MICAL3: variants seen among roughly 807,000 people sequenced by gnomAD.
MICAL3 encodes the protein microtubule associated monooxygenase, calponin and LIM domain containing 3.
MICAL3 carries 62 observed loss-of-function variants against 207.4 expected under a neutral mutation model. The observed-to-expected ratio is 0.30, with a 90% CI of 0.24 to 0.37. MICAL3 has a LOEUF of 0.37. MICAL3 is among the 10% of genes least tolerant of loss of function. The pLI, the probability that MICAL3 is intolerant of heterozygous loss-of-function variation, is 1.00. For missense variants in MICAL3, 2,368 were observed against 2,635.6 expected (o/e 0.90, Z 2.22); for synonymous variants, 1,077 against 1,069.3 (o/e 1.01, Z -0.14).
In MICAL3 at chr22:17,817,501, G is replaced by T. The variant is rs753923521; in HGVS notation, c.5160C>A (p.Pro1720=). 5 of 1,613,728 alleles carry T rather than the reference G, an allele frequency of 3.1e-6. No homozygotes were observed. The highest frequency in any genetic ancestry group is 4.2e-6 in the Non-Finnish European group (5 of 1,179,856). The change falls in exon 26 of 32, where the codon CCC becomes CCA. Residue 1720 remains proline, a synonymous_variant. Coordinates refer to ENST00000441493, the MANE Select transcript of MICAL3 (RefSeq NM_015241.3). The stretch of plus-strand genomic sequence containing the variant: ...GGAGGTTGGAGCTGGGCTTCTCCGG[G>T]GGCCGGCCCTCGCCTTTGGACTTCT... ...KEKKSKGEGR[P]PEKPSSNLLE... is the part of the protein sequence containing the mutation.
intron 1 of MICAL3, among the ~76,000 whole-genome samples, chr22:17,915,882 G>A (rs1947971507): frequency 6.6e-6 from 1 of 151,620 alleles, no homozygotes; most frequent in South Asian, 2.1e-4. Context: ...GCTTCAGAAG[G>A]AGTTCAAAAC....
intron 1 of MICAL3, among the ~76,000 whole-genome samples, chr22:17,909,148 T>C (rs556475692): frequency 3.9e-5 from 6 of 152,326 alleles, no homozygotes; most frequent in South Asian, 2.1e-4. Context: ...GGAGGATACA[T>C]TGCAGATGGA....
intron 19 of MICAL3, among the ~76,000 whole-genome samples, chr22:17,844,097 C>T (rs1178721434): frequency 2.0e-5 from 3 of 152,298 alleles, no homozygotes; most frequent in Non-Finnish European, 4.4e-5. Flanking sequence ...CCGCCCGCCT[C>T]GGCCTCCCAA....
intron 1 of MICAL3, among the ~76,000 whole-genome samples, chr22:17,933,250 A>T (rs1205149226): frequency 6.6e-6 from 1 of 152,252 alleles, no homozygotes; most frequent in Admixed American, 6.5e-5. Context: ...ATGTAAAAGA[A>T]CAGAAATCAC....
In MICAL3 at chr22:17,819,177, G is replaced by A. The variant is rs187615244; in HGVS notation, c.3532-48C>T. On this transcript the variant is annotated intron_variant, in intron 25 of 31. Coordinates refer to ENST00000441493, the MANE Select transcript of MICAL3 (RefSeq NM_015241.3). ...CCGCTGAGAAGGTGTGGGCTTTCAC[G>A]ACCAGCAGCATCCTCGGGGAGCCTT... is the stretch of plus-strand genomic sequence containing the variant. 2.7e-4 allele frequency: 381 copies of A among 1,417,920 alleles called. 2 individuals are homozygous for A. The South Asian group carries it at 3.1e-3, about 11-fold the overall frequency. 87.8% of individuals were successfully genotyped at this position (1,417,920 alleles called of 1,614,324 possible).
Position 18,000,696 on chromosome 22 carries a change from G to A in MICAL3, c.-75+23585C>T, listed in dbSNP as rs183061105. ...CGCGGTCCCCTCGGAAGGCAGCCAG[G>A]GAAGGGGCATCACTGAGACTAGAGG... On this transcript the variant is annotated intron_variant, in intron 1 of 31. Coordinates refer to ENST00000441493, the MANE Select transcript of MICAL3 (RefSeq NM_015241.3). Among the ~76,000 whole-genome samples, 671 of 152,358 alleles carry A rather than the reference G, an allele frequency of 4.4e-3. 5 individuals carry two copies. Among genetic ancestry groups the A allele is most frequent in the African/African-American group, 0.015 (636 of 41,588 alleles).
intron 20 of MICAL3, among the ~76,000 whole-genome samples, chr22:17,836,543 C>A (rs943209030): frequency 3.7e-4 from 57 of 152,120 alleles, no homozygotes; most frequent in African/African-American, 1.3e-3. Flanking sequence ...TGATCAAGCT[C>A]CTGCCTGCCT....
At chr22:17,993,976 C>T (rs192106953) in intron 1 of MICAL3, among the ~76,000 whole-genome samples, 7 of 152,330 alleles carry the variant, frequency 4.6e-5, no homozygotes, top group African/African-American at 1.4e-4. Context: ...CTGTGCCCCA[C>T]TTCCTAGTGT....
At chr22:17,904,417 C>T (rs1405375195) in intron 3 of MICAL3, among the ~76,000 whole-genome samples, 2 of 152,204 alleles carry the variant, frequency 1.3e-5, no homozygotes, top group Non-Finnish European at 1.5e-5. Context: ...CACAGGTTAT[C>T]GATACACTCA....
intron 16 of MICAL3, among the ~76,000 whole-genome samples, chr22:17,877,800 G>A (rs1192093108): frequency 6.6e-6 from 1 of 152,044 alleles, no homozygotes; most frequent in African/African-American, 2.4e-5. Flanking sequence ...ACTTCAAATT[G>A]TTTCTCACTG....
chr22:17,827,854 CAGAA>C, intron 21 of MICAL3, 73 bp from the exon 22 acceptor site: 2 of 1,471,350 alleles, frequency 1.4e-6, no homozygotes, highest in African/African-American at 1.4e-5. Context: ...GGAAAGGAAA[CAGAA>C]AGAGAAGTTA....
At chr22:17,965,110 T>TCCCTCCTTC (rs1486793567) in intron 1 of MICAL3, among the ~76,000 whole-genome samples, 16 of 142,510 alleles carry the variant, frequency 1.1e-4, no homozygotes, top group African/African-American at 3.9e-4. Context: ...TGCTCTCCTT[T>TCCCTCCTTC]CCCTCCTTCC....
At chr22:17,871,199 C>A (rs114445141) in intron 17 of MICAL3, among the ~76,000 whole-genome samples, 1 of 152,172 alleles carries the variant, frequency 6.6e-6, no homozygotes, top group African/African-American at 2.4e-5. Flanking sequence ...ATGGCTCTAT[C>A]GTCTGTGTGC....
In MICAL3 at chr22:17,817,717, G is replaced by A. The variant is rs1297652670; in HGVS notation, c.4944C>T (p.Asp1648=). ...CCCTGAGAGTGGGGCGTGTGGGGGA[G>A]TCAGGCCGGCGCTCCTTGCCCTGGG... is the stretch of plus-strand genomic sequence containing the variant. ...APSQGKERRP[D]SPTRPTLRGS... Residue 1648 remains aspartate, a synonymous_variant, in exon 26 of 32, where the codon GAC becomes GAT. Coordinates refer to ENST00000441493, the MANE Select transcript of MICAL3 (RefSeq NM_015241.3). The A allele has an allele frequency of 1.1e-5, 17 of 1,594,864 alleles. No homozygotes were observed. The highest frequency in any genetic ancestry group is 1.4e-5 in the Non-Finnish European group (16 of 1,172,020).
intron 22 of MICAL3, chr22:17,826,429 G>GA: frequency 1.0e-6 from 1 of 984,090 alleles, no homozygotes; most frequent in Non-Finnish European, 1.2e-6. Context: ...GGTGAGTGGG[G>GA]AGAGAGTGAA....
chr22:17,849,000 C>T (rs1339518277), intron 19 of MICAL3, among the ~76,000 whole-genome samples: 1 of 152,190 alleles, frequency 6.6e-6, no homozygotes, highest in Admixed American at 6.5e-5. Flanking sequence ...GGTTTCTATC[C>T]CCACACGCTG....
chr22:17,881,253 C>T (rs562192412), intron 16 of MICAL3: 2 of 1,612,164 alleles, frequency 1.2e-6, no homozygotes, highest in South Asian at 2.2e-5. Flanking sequence ...GGGGAGGAGA[C>T]AGGGTGATCA....
At chr22:17,953,004 C>G (rs1934423339) in intron 1 of MICAL3, among the ~76,000 whole-genome samples, 1 of 152,206 alleles carries the variant, frequency 6.6e-6, no homozygotes, top group Admixed American at 6.5e-5. Context: ...ACTCTGCCTC[C>G]CATCCCTGAC....
At chr22:17,977,561 A>G (rs1935713207) in intron 1 of MICAL3, among the ~76,000 whole-genome samples, 1 of 152,078 alleles carries the variant, frequency 6.6e-6, no homozygotes, top group Non-Finnish European at 1.5e-5. Flanking sequence ...ACAGACAATA[A>G]CAAGTGTTGA....
Sources: allele counts gnomAD v4.1 joint callset (sites outside exome capture counted in the v4.1 genomes callset), GRCh38; gene constraint gnomAD v4.1.1; transcripts MANE v1.5; gene names NCBI Gene and HGNC (gene_info 2026-07-23, HGNC 2026-07-21).